The following ADRA1B variants were observed in gnomAD, a reference collection of about 807,000 sequenced individuals.
The protein encoded by ADRA1B is alpha-1B adrenergic receptor.
A neutral mutation model predicts 17.9 loss-of-function variants in ADRA1B; 17 were observed. The observed-to-expected ratio is 0.95, with a 90% CI of 0.65 to 1.42. The LOEUF is 1.42. ADRA1B is among the 40% of genes most tolerant of loss of function. The probability of loss-of-function intolerance (pLI) is 0.00; values close to 1 mark genes in which losing one functional copy is unlikely to be tolerated. For synonymous variants in ADRA1B, 366 were observed against 327.6 expected (o/e 1.12, Z -1.27); for missense variants, 681 against 722.1 (o/e 0.94, Z 0.65).
intron 1 of ADRA1B, among the ~76,000 whole-genome samples, chr5:159,966,538 G>A (rs1279677019): frequency 6.6e-6 from 1 of 152,206 alleles, no homozygotes; most frequent in Non-Finnish European, 1.5e-5. Flanking sequence ...TGTTCAGGGT[G>A]CAAAGGAGGA....
At chr5:159,906,255 A>C (rs1397724410) in intron 1 of ADRA1B, among the ~76,000 whole-genome samples, 2 of 152,030 alleles carry the variant, frequency 1.3e-5, no homozygotes, top group Non-Finnish European at 2.9e-5. Context: ...CCTCTCTATG[A>C]GACATTCAAC....
At chr5:159,905,217 A>G (rs532993091) in intron 1 of ADRA1B, among the ~76,000 whole-genome samples, 40 of 152,332 alleles carry the variant, frequency 2.6e-4, no homozygotes, top group Non-Finnish European at 4.6e-4. Context: ...AGAGGGTTGC[A>G]GAGAGGAGAA....
intron 1 of ADRA1B, among the ~76,000 whole-genome samples, chr5:159,872,061 A>C (rs1339796974): frequency 1.3e-5 from 2 of 152,252 alleles, no homozygotes; most frequent in Non-Finnish European, 2.9e-5. Flanking sequence ...CAAAATGCCC[A>C]ACTTGTATCA....
rs1024166152 is a variant in ADRA1B at position 159,930,872 on chromosome 5, G to A, written c.949+13018G>A. 4.0e-5 allele frequency among the ~76,000 whole-genome samples: 6 copies of A among 151,616 alleles called. No homozygotes were observed. In the East Asian group the frequency reaches 5.8e-4, roughly 15 times the overall value. Reference sequence around the variant, plus strand: ...GTGATAGAATACAAATTGGGTTTCAGTAGAATTATGGTGGGGACTATTAAA... The same window carrying A: ...GTGATAGAATACAAATTGGGTTTCAATAGAATTATGGTGGGGACTATTAAA... On this transcript the variant is annotated intron_variant, in intron 1 of 1. Coordinates refer to ENST00000306675, the MANE Select transcript of ADRA1B (RefSeq NM_000679.4).
At chr5:159,976,997 C>A (rs1755982145), downstream of ADRA1B, among the ~76,000 whole-genome samples, 1 of 152,158 alleles carries the variant, frequency 6.6e-6, no homozygotes, top group Admixed American at 6.5e-5. Flanking sequence ...ATAAATGAGA[C>A]AAAATATGAA....
intron 1 of ADRA1B, among the ~76,000 whole-genome samples, chr5:159,893,397 C>T (rs1581022390): frequency 1.5e-5 from 1 of 66,538 alleles, no homozygotes; most frequent in African/African-American, 8.1e-5. Context: ...AGTGATGGAG[C>T]AATGCTTAAT....
Position 159,951,326 on chromosome 5 carries a change from G to A in ADRA1B, c.950-20553G>A, listed in dbSNP as rs1380265376. The A allele has an allele frequency of 1.6e-5, 21 of 1,328,508 alleles. No homozygotes were observed. The South Asian group carries it at 1.8e-4, about 11-fold the overall frequency. The allele number at this position is 1,328,508 out of a possible 1,614,324, so 82.3% of individuals were successfully genotyped here. ...GCTTCCCTTTCTCAGCCTTGACAGT[G>A]CCATGGAATTTGCCATGGGTGGAAT... On this transcript the variant is annotated intron_variant, in intron 1 of 1. Transcript: ENST00000306675.
intron 1 of ADRA1B, among the ~76,000 whole-genome samples, chr5:159,873,489 G>C (rs533406017): frequency 9.9e-5 from 15 of 152,254 alleles, no homozygotes; most frequent in African/African-American, 3.6e-4. Context: ...ACTGATAAAG[G>C]CTCAGTCTTT....
Position 159,917,451 on chromosome 5 carries a change from T to C in ADRA1B, c.546T>C (p.Leu182=), listed in dbSNP as rs1754352490. Residue 182 remains leucine, a synonymous_variant, in exon 1 of 2, where the codon CTT becomes CTC. Coordinates refer to ENST00000306675, the MANE Select transcript of ADRA1B (RefSeq NM_000679.4). Reference sequence around the variant, plus strand: ...CCGTCATCTCCATCGGGCCTCTCCTTGGGTGGAAGGAGCCGGCACCCAACG... The same window carrying C: ...CCGTCATCTCCATCGGGCCTCTCCTCGGGTGGAAGGAGCCGGCACCCAACG... The part of the protein sequence containing the change: ...LSTVISIGPL[L]GWKEPAPNDD... The C allele has an allele frequency of 1.9e-6, 3 of 1,614,152 alleles. No individual in the cohort carries two copies. The highest frequency in any genetic ancestry group is 2.5e-6 in the Non-Finnish European group (3 of 1,180,026).
chr5:159,965,265 A>G (rs1480103398), intron 1 of ADRA1B, among the ~76,000 whole-genome samples: 1 of 152,180 alleles, frequency 6.6e-6, no homozygotes, highest in Non-Finnish European at 1.5e-5. Context: ...CTGGCGAGCC[A>G]TGATTCCAAG....
intron 1 of ADRA1B, among the ~76,000 whole-genome samples, chr5:159,942,024 A>C (rs1032360009): frequency 6.7e-6 from 1 of 150,288 alleles, no homozygotes; most frequent in Admixed American, 6.7e-5. Flanking sequence ...CCAGGTTGAC[A>C]TCATTCTACT....
At chr5:159,970,711 T>C (rs1169693282) in intron 1 of ADRA1B, among the ~76,000 whole-genome samples, 1 of 152,236 alleles carries the variant, frequency 6.6e-6, no homozygotes, top group Admixed American at 6.5e-5. Flanking sequence ...AAGCTCCTCG[T>C]GTCCCCACAC....
intron 1 of ADRA1B, among the ~76,000 whole-genome samples, chr5:159,866,691 G>C (rs571211948): frequency 4.6e-5 from 7 of 152,160 alleles, no homozygotes; most frequent in Admixed American, 4.6e-4. Flanking sequence ...TTTTATGGGA[G>C]AATGTCTCCC....
intron 1 of ADRA1B, among the ~76,000 whole-genome samples, chr5:159,939,290 T>A (rs1292692218): frequency 0.045 from 5,948 of 130,880 alleles, 166 homozygotes; most frequent in Admixed American, 0.087. Flanking sequence ...TGTGTGTGTG[T>A]GTGTGTGTGT....
intron 1 of ADRA1B, chr5:159,868,144 G>A (rs1421291693): frequency 1.3e-5 from 2 of 152,130 alleles, no homozygotes; most frequent in Non-Finnish European, 2.9e-5. Context: ...ACCACATAGG[G>A]TCATTGCAAA....
At chr5:159,955,126 G>T in intron 1 of ADRA1B, 2 of 984,830 alleles carry the variant, frequency 2.0e-6, no homozygotes, top group Non-Finnish European at 2.4e-6. Flanking sequence ...TCAGGATACC[G>T]AAAGACAAGA....
At chr5:159,874,132 C>T (rs943896055) in intron 1 of ADRA1B, among the ~76,000 whole-genome samples, 3 of 152,074 alleles carry the variant, frequency 2.0e-5, no homozygotes, top group African/African-American at 7.2e-5. Context: ...AAAATATTCC[C>T]TCTGAAGATT....
intron 1 of ADRA1B, among the ~76,000 whole-genome samples, chr5:159,899,283 G>GAAGGAAGGAAGA (rs1561585319): frequency 6.5e-4 from 94 of 145,528 alleles, no homozygotes; most frequent in African/African-American, 2.3e-3. Context: ...AGGAAGGAAG[G>GAAGGAAGGAAGA]AAGGAAGGAA....
intron 1 of ADRA1B, among the ~76,000 whole-genome samples, chr5:159,909,382 G>T (rs1326949675): frequency 6.6e-6 from 1 of 152,138 alleles, no homozygotes; most frequent in Non-Finnish European, 1.5e-5. Flanking sequence ...CTAACACTTT[G>T]TCCAGATACA....
Sources: allele counts gnomAD v4.1 joint callset (sites outside exome capture counted in the v4.1 genomes callset), GRCh38; gene constraint gnomAD v4.1.1; transcripts MANE v1.5; gene names NCBI Gene and HGNC (gene_info 2026-07-23, HGNC 2026-07-21).